Variants in HS6ST2 observed in about 807,000 individuals in gnomAD.
The protein encoded by HS6ST2 is heparan sulfate 6-O-sulfotransferase 2.
Under a neutral mutation model 33.0 loss-of-function variants are expected in HS6ST2, and 17 were observed. The observed-to-expected ratio is 0.52, with a 90% CI of 0.35 to 0.77. The LOEUF is 0.77. HS6ST2 is among the 30% of genes least tolerant of loss of function. HS6ST2 has a pLI of 0.01. For missense variants in HS6ST2, 519 were observed against 551.7 expected, an observed-to-expected ratio of 0.94 and a Z score of 0.59; for synonymous variants, 248 against 237.1, an observed-to-expected ratio of 1.05 and a Z score of -0.42.
At chrX:132,709,512 C>T (rs1266534009) in intron 2 of HS6ST2, among the ~76,000 whole-genome samples, 1 of 110,516 alleles carries the variant, frequency 9.0e-6, no homozygotes, top group African/African-American at 3.3e-5. Flanking sequence ...GCGGTTAAGC[C>T]CCCTTTCCCT....
chrX:132,958,384 C>T lies in HS6ST2; in HGVS notation c.219G>A (p.Lys73=), dbSNP rs774239116. The change falls in exon 1 of 5, where the codon AAG becomes AAA. Residue 73 remains lysine, a synonymous_variant. Coordinates refer to ENST00000370833, the MANE Select transcript of HS6ST2 (RefSeq NM_001394073.1). Reference sequence around the variant, plus strand: ...CGGCTCCCGCCAGGGAAGAAGACGCCTTTCGGGGCTTGTCCAGGAGCGGCC... The same window carrying T: ...CGGCTCCCGCCAGGGAAGAAGACGCTTTTCGGGGCTTGTCCAGGAGCGGCC... The part of the protein sequence containing the change: ...HTRPLLDKPR[K]ASSSLAGAAC... The T allele has an allele frequency of 9.2e-6, 11 of 1,197,393 alleles. No homozygotes were observed. The highest frequency in any genetic ancestry group is 1.2e-5 in the Non-Finnish European group (11 of 892,291).
chrX:132,874,693 C>T (rs745756448), intron 2 of HS6ST2, among the ~76,000 whole-genome samples: 1 of 112,202 alleles, frequency 8.9e-6, no homozygotes, highest in East Asian at 2.8e-4. Context: ...CATAGTCAAA[C>T]TCCGCAGTAA....
At chrX:132,945,330 G>A (rs1281357814) in intron 2 of HS6ST2, among the ~76,000 whole-genome samples, 4 of 111,654 alleles carry the variant, frequency 3.6e-5, no homozygotes, top group African/African-American at 1.3e-4. Flanking sequence ...AGTTAGAATG[G>A]CGATCATTAA....
intron 2 of HS6ST2, among the ~76,000 whole-genome samples, chrX:132,790,422 T>C (rs1466951909): frequency 1.8e-5 from 2 of 112,375 alleles, no homozygotes; most frequent in African/African-American, 6.5e-5. Flanking sequence ...AACTTCTATA[T>C]GCACTAGGAA....
chrX:132,709,675 C>T lies in HS6ST2; in HGVS notation c.948-1181G>A, dbSNP rs949150168. 1.5e-3 allele frequency among the ~76,000 whole-genome samples: 163 copies of T among 110,261 alleles called. 4 individuals are homozygous for T. The highest frequency in any genetic ancestry group is 1.2e-3 in the Non-Finnish European group (61 of 52,869). ...CAATGTGCTCGTCTTCTACTCCAGC[C>T]GCAAGAAATAAGTAATCTACAATGT... On this transcript the variant is annotated intron_variant, in intron 2 of 4. Transcript: ENST00000370833.
Position 132,784,915 on chromosome X carries a change from C to T in HS6ST2, c.948-76421G>A, listed in dbSNP as rs770750880. On this transcript the variant is annotated intron_variant, in intron 2 of 4. Transcript: ENST00000370833. ...GCCAGACGTGTCCCTTGGGAAAGCT[C>T]TCTAGAATCTGTCCTTTTCTGTCCC... Among the ~76,000 whole-genome samples the T allele has an allele frequency of 8.9e-5, 10 of 111,778 alleles. No individual in the cohort carries two copies. The South Asian group carries it at 3.4e-3, about 38-fold the overall frequency.
chrX:132,762,526 C>T (rs987290989), intron 2 of HS6ST2, among the ~76,000 whole-genome samples: 1 of 111,968 alleles, frequency 8.9e-6, no homozygotes, highest in African/African-American at 3.2e-5. Context: ...TACAATAACC[C>T]TACATATCTC....
chrX:132,654,138 CA>C (rs1249207400), intron 4 of HS6ST2, among the ~76,000 whole-genome samples: 3 of 109,798 alleles, frequency 2.7e-5, no homozygotes, highest in African/African-American at 1.0e-4. Context: ...GTGTTCTTAT[CA>C]AAAAACAAAA....
chrX:132,814,570 G>A (rs1423464778), intron 2 of HS6ST2, among the ~76,000 whole-genome samples: 1 of 111,625 alleles, frequency 9.0e-6, no homozygotes. Context: ...TTGGAGTGCA[G>A]TGGCACGATC....
At position 132,822,090 on chromosome X, in the gene HS6ST2, G is replaced by A. The variant is rs867702578; in HGVS notation, c.948-113596C>T. Among the ~76,000 whole-genome samples the A allele has an allele frequency of 1.3e-4, 14 of 111,943 alleles. No individual in the cohort carries two copies. In the South Asian group the frequency reaches 3.8e-3, roughly 30 times the overall value. ...ATCTTCATAATAACCCTAGGAGTAGGTACTTTTATTGTCCCTGTTAACAGG... is the reference window on the plus strand; with the variant it reads ...ATCTTCATAATAACCCTAGGAGTAGATACTTTTATTGTCCCTGTTAACAGG... On this transcript the variant is annotated intron_variant, in intron 2 of 4. Coordinates refer to ENST00000370833, the MANE Select transcript of HS6ST2 (RefSeq NM_001394073.1).
intron 2 of HS6ST2, among the ~76,000 whole-genome samples, chrX:132,872,518 A>T (rs1452040826): frequency 2.7e-5 from 3 of 111,773 alleles, no homozygotes. Flanking sequence ...ACCAATATGC[A>T]CTCATTCCCA....
At chrX:132,786,837 G>C (rs1408941484) in intron 2 of HS6ST2, among the ~76,000 whole-genome samples, 1 of 108,304 alleles carries the variant, frequency 9.2e-6, no homozygotes, top group African/African-American at 3.4e-5. Context: ...GGTCAGGCTG[G>C]TCTCGAACTC....
intron 2 of HS6ST2, among the ~76,000 whole-genome samples, chrX:132,746,330 G>A (rs1239220529): frequency 1.8e-5 from 2 of 110,615 alleles, no homozygotes; most frequent in African/African-American, 6.6e-5. Context: ...GTGAAAACCC[G>A]TCTCTACTAA....
At chrX:132,656,918 T>C (rs1168154998) in intron 4 of HS6ST2, among the ~76,000 whole-genome samples, 1 of 111,611 alleles carries the variant, frequency 9.0e-6, no homozygotes, top group Admixed American at 9.5e-5. Flanking sequence ...ACCACTGGTC[T>C]ACACAGAGGA....
At chrX:132,645,647 G>A (rs2063635108) in intron 4 of HS6ST2, among the ~76,000 whole-genome samples, 1 of 112,260 alleles carries the variant, frequency 8.9e-6, no homozygotes, top group Non-Finnish European at 1.9e-5. Context: ...GAAAGAATGT[G>A]CTGACAGTTG....
At chrX:132,912,904 AC>A in intron 2 of HS6ST2, among the ~76,000 whole-genome samples, 1 of 111,089 alleles carries the variant, frequency 9.0e-6, no homozygotes, top group Non-Finnish European at 1.9e-5. Flanking sequence ...ATTGATCCCC[AC>A]CCTTCACCTA....
intron 2 of HS6ST2, among the ~76,000 whole-genome samples, chrX:132,839,313 TATAC>T (rs1488177763): frequency 9.0e-3 from 219 of 24,438 alleles, no homozygotes; most frequent in East Asian, 0.044. Context: ...TATATATATA[TATAC>T]ACACACATGT....
At chrX:132,724,029 A>G (rs1220962100) in intron 2 of HS6ST2, among the ~76,000 whole-genome samples, 1 of 111,641 alleles carries the variant, frequency 9.0e-6, no homozygotes, top group African/African-American at 3.3e-5. Context: ...AGCCCCAGCT[A>G]CTTGGGAGGC....
At chrX:132,958,858 G>A, upstream of HS6ST2, 1 of 343,642 alleles carries the variant, frequency 2.9e-6, no homozygotes, top group Non-Finnish European at 5.0e-6. Context: ...CAGCGGAAGC[G>A]GGGGCATTTT....
Sources: gnomAD v4.1 joint callset for allele counts (sites outside exome capture counted in the v4.1 genomes callset) on GRCh38, gnomAD v4.1.1 for gene constraint, MANE v1.5 for transcripts, NCBI Gene and HGNC (gene_info 2026-07-23, HGNC 2026-07-21) for gene names.